Variants in MYO16 observed in about 807,000 individuals in gnomAD.
MYO16 encodes unconventional myosin-XVI.
In MYO16, 94 loss-of-function variants were observed where a neutral mutation model predicts 205.3. That is an observed-to-expected ratio of 0.46 (90% confidence interval 0.39 to 0.54). The LOEUF (loss-of-function observed/expected upper bound fraction) is 0.54, where lower values mean the gene tolerates loss of function less well. Ranked by LOEUF, MYO16 falls within the 20% of genes least tolerant of loss-of-function variation. The probability of loss-of-function intolerance (pLI) is 0.00; values close to 1 mark genes in which losing one functional copy is unlikely to be tolerated. For synonymous variants in MYO16, 988 were observed against 954.0 expected (o/e 1.04, Z -0.66); for missense variants, 2,315 against 2,387.5 (o/e 0.97, Z 0.63).
intron 3 of MYO16, among the ~76,000 whole-genome samples, chr13:108,714,472 A>C (rs1883855575): frequency 6.6e-6 from 1 of 152,020 alleles, no homozygotes; most frequent in Non-Finnish European, 1.5e-5. Flanking sequence ...GGAAAGTGTT[A>C]TTTCTGTGTA....
At chr13:108,864,638 C>T (rs974906425) in intron 11 of MYO16, among the ~76,000 whole-genome samples, 1 of 152,058 alleles carries the variant, frequency 6.6e-6, no homozygotes, top group Admixed American at 6.6e-5. Context: ...AAGTGATCCT[C>T]CTGCCTCAGC....
intron 33 of MYO16, among the ~76,000 whole-genome samples, chr13:109,172,230 C>T (rs1878952473): frequency 6.6e-6 from 1 of 152,062 alleles, no homozygotes; most frequent in Admixed American, 6.6e-5. Flanking sequence ...GGAACGCATA[C>T]CCTTGTCTGA....
At chr13:108,652,553 G>T (rs959192420) in intron 1 of MYO16, among the ~76,000 whole-genome samples, 9 of 152,100 alleles carry the variant, frequency 5.9e-5, no homozygotes, top group African/African-American at 2.2e-4. Context: ...CCCATTCAAC[G>T]TCAACTCTCA....
At chr13:109,105,492 CTT>C (rs1187959381) in intron 28 of MYO16, among the ~76,000 whole-genome samples, 2 of 152,084 alleles carry the variant, frequency 1.3e-5, no homozygotes, top group African/African-American at 4.8e-5. Context: ...AAACAAAAAA[CTT>C]TTTAAAATTT....
the MYO16 span, among the ~76,000 whole-genome samples, chr13:108,507,418 T>A: frequency 2.2e-4 from 33 of 152,132 alleles, no homozygotes; most frequent in African/African-American, 8.0e-4. Flanking sequence ...AGGTTTTTTT[T>A]AAAGAAAAAC....
chr13:108,673,756 T>C (rs8002348), intron 2 of MYO16, among the ~76,000 whole-genome samples: 49,092 of 151,902 alleles, frequency 0.32, 8,258 homozygotes, highest in African/African-American at 0.41. Flanking sequence ...GTATCGAGAC[T>C]TTTTTCCTGA....
At chr13:108,765,366 G>A (rs1389634642) in intron 4 of MYO16, among the ~76,000 whole-genome samples, 2 of 152,126 alleles carry the variant, frequency 1.3e-5, no homozygotes, top group African/African-American at 2.4e-5. Flanking sequence ...CACACATGGT[G>A]TTATTGCTTT....
intron 28 of MYO16, among the ~76,000 whole-genome samples, chr13:109,110,961 C>CATGA (rs779111742): frequency 1.3e-5 from 2 of 152,146 alleles, no homozygotes; most frequent in Admixed American, 6.5e-5. Flanking sequence ...CGAATGGATA[C>CATGA]ATGAATGAAT....
At chr13:108,523,867 T>C in the MYO16 span, among the ~76,000 whole-genome samples, 1 of 152,336 alleles carries the variant, frequency 6.6e-6, no homozygotes, top group East Asian at 1.9e-4. Flanking sequence ...TGAATTGTAA[T>C]TTCCAGTATT....
intron 1 of MYO16, among the ~76,000 whole-genome samples, chr13:108,648,464 G>T (rs867360897): frequency 6.6e-6 from 1 of 152,086 alleles, no homozygotes; most frequent in Non-Finnish European, 1.5e-5. Flanking sequence ...TGTTTATGAA[G>T]AATTGACTGA....
chr13:108,744,821 G>C (rs9301313), intron 4 of MYO16, among the ~76,000 whole-genome samples: 69,143 of 152,080 alleles, frequency 0.45, 15,848 homozygotes, highest in East Asian at 0.55. Flanking sequence ...CTCCTATGCT[G>C]TTAGTGGCCT....
At chr13:108,517,152 A>G in the MYO16 span, among the ~76,000 whole-genome samples, 1 of 152,026 alleles carries the variant, frequency 6.6e-6, no homozygotes, top group Non-Finnish European at 1.5e-5. Context: ...CTGGTCTTAA[A>G]CTTCTGGCTT....
intron 4 of MYO16, among the ~76,000 whole-genome samples, chr13:108,766,257 G>A (rs1885773376): frequency 6.6e-6 from 1 of 152,204 alleles, no homozygotes; most frequent in African/African-American, 2.4e-5. Flanking sequence ...ACGAACAGAT[G>A]GAAGCTCAGC....
intron 5 of MYO16, among the ~76,000 whole-genome samples, chr13:108,791,062 G>A (rs1886601525): frequency 6.6e-6 from 1 of 152,166 alleles, no homozygotes; most frequent in Admixed American, 6.5e-5. Context: ...TCTGAGAAAT[G>A]ATATTTGCCA....
At chr13:109,071,040 A>G (rs927942078) in intron 27 of MYO16, among the ~76,000 whole-genome samples, 1 of 152,148 alleles carries the variant, frequency 6.6e-6, no homozygotes, top group Non-Finnish European at 1.5e-5. Flanking sequence ...TTTTGTGGCA[A>G]CTTAAGTACT....
chr13:109,002,380 C>T (rs1036706128), intron 21 of MYO16, among the ~76,000 whole-genome samples: 9 of 152,120 alleles, frequency 5.9e-5, no homozygotes, highest in Non-Finnish European at 1.2e-4. Flanking sequence ...AATTGTTTGT[C>T]ATTAATACAA....
intron 27 of MYO16, among the ~76,000 whole-genome samples, chr13:109,072,667 C>A (rs1279033313): frequency 6.6e-6 from 1 of 152,008 alleles, no homozygotes; most frequent in African/African-American, 2.4e-5. Context: ...GCCTCTCAAC[C>A]ACGGCTGCTC....
intron 4 of MYO16, among the ~76,000 whole-genome samples, chr13:108,734,931 T>C (rs1884640886): frequency 6.6e-6 from 1 of 152,072 alleles, no homozygotes; most frequent in South Asian, 2.1e-4. Flanking sequence ...TCCTAGAAAG[T>C]CCAGTGAGAA....
chr13:108,596,473 A>C (rs1279258985), intron 1 of MYO16, among the ~76,000 whole-genome samples: 1 of 152,058 alleles, frequency 6.6e-6, no homozygotes, highest in Non-Finnish European at 1.5e-5. Context: ...ACTCTAATTA[A>C]AGCTAAAAAA....
Sources: gnomAD v4.1 joint callset for allele counts (sites outside exome capture counted in the v4.1 genomes callset) on GRCh38, gnomAD v4.1.1 for gene constraint, MANE v1.5 for transcripts, NCBI Gene and HGNC (gene_info 2026-07-23, HGNC 2026-07-21) for gene names.